POP1: variants seen among roughly 807,000 people sequenced by gnomAD.
The protein encoded by POP1 is POP1 ribonuclease P/MRP subunit.
POP1 carries 75 observed loss-of-function variants against 102.2 expected under a neutral mutation model. The ratio of observed to expected loss-of-function variants is 0.73; its 90% confidence interval spans 0.61 to 0.89. POP1 has a LOEUF of 0.89. Among genes scored for constraint, POP1 ranks in the 40% least tolerant of loss-of-function variants. The pLI is 0.00. For missense variants in POP1, 1,116 were observed against 1,267.4 expected, an observed-to-expected ratio of 0.88 and a Z score of 1.81; for synonymous variants, 436 against 464.1, an observed-to-expected ratio of 0.94 and a Z score of 0.78.
chr8:98,118,583 G>T lies in POP1; in HGVS notation c.-3+1193G>T, dbSNP rs565703087. 1.1e-3 allele frequency among the ~76,000 whole-genome samples: 163 copies of T among 152,072 alleles called. 1 individual carries two copies. The highest frequency in any genetic ancestry group is 3.7e-3 in the African/African-American group (155 of 41,474). Reference sequence around the variant, plus strand: ...TGGGATTACAAGTGCACACCAGCACGCCCGGCTAATTTTTGTATTTTCTGT... The same window carrying T: ...TGGGATTACAAGTGCACACCAGCACTCCCGGCTAATTTTTGTATTTTCTGT... On this transcript the variant is annotated intron_variant, in intron 1 of 15. Coordinates refer to ENST00000401707, the MANE Select transcript of POP1 (RefSeq NM_001145860.2).
intron 5 of POP1, among the ~76,000 whole-genome samples, chr8:98,131,470 G>A (rs1816377941): frequency 6.6e-6 from 1 of 152,142 alleles, no homozygotes; most frequent in South Asian, 2.1e-4. Context: ...TCCATTGTAG[G>A]TATATACCGT....
chr8:98,142,992 C>A (rs1286189770), intron 11 of POP1, among the ~76,000 whole-genome samples: 3 of 152,138 alleles, frequency 2.0e-5, no homozygotes, highest in Non-Finnish European at 4.4e-5. Context: ...AATGAGAAAG[C>A]CTTTTACTGG....
In POP1 at chr8:98,141,023, A is replaced by G. The variant is rs1198271508; in HGVS notation, c.1594+135A>G. On this transcript the variant is annotated intron_variant, in intron 11 of 15. Transcript: ENST00000401707. ...ATTAGGGCAGTCTCCTTACCTGCCC[A>G]CTTTACAAGCTGATTATGATCTAAG... 1.3e-5 allele frequency: 13 copies of G among 1,003,772 alleles called. No individual in the cohort carries two copies. The East Asian group carries it at 2.0e-4, about 15-fold the overall frequency. 62.2% of individuals were successfully genotyped at this position (1,003,772 alleles called of 1,614,324 possible).
At chr8:98,129,206 A>G (rs751216908) in intron 4 of POP1, among the ~76,000 whole-genome samples, 2 of 152,216 alleles carry the variant, frequency 1.3e-5, no homozygotes, top group Non-Finnish European at 2.9e-5. Context: ...GAAGGTTAAA[A>G]AAAAGCAATG....
At position 98,146,564 on chromosome 8, in the gene POP1, T is replaced by A. The variant is rs1563781936; in HGVS notation, c.1595-4T>A. Reference sequence around the variant, plus strand: ...GTTTGAAGGCTATTTCTTTTCCCTCTTAGATAATGAGAAAGTTAGACAGCT... The same window carrying A: ...GTTTGAAGGCTATTTCTTTTCCCTCATAGATAATGAGAAAGTTAGACAGCT... On this transcript the variant is annotated splice_region_variant and splice_polypyrimidine_tract_variant and intron_variant, in intron 11 of 15. Coordinates refer to ENST00000401707, the MANE Select transcript of POP1 (RefSeq NM_001145860.2). 1 of 1,608,558 alleles carries A rather than the reference T, an allele frequency of 6.2e-7. No individual in the cohort carries two copies. The highest frequency in any genetic ancestry group is 8.5e-7 in the Non-Finnish European group (1 of 1,174,952).
chr8:98,149,253 G>A (rs534873170), intron 13 of POP1, among the ~76,000 whole-genome samples: 3 of 152,222 alleles, frequency 2.0e-5, no homozygotes, highest in South Asian at 2.1e-4. Context: ...CCTGATATTC[G>A]AATAGTAGTG....
At chr8:98,136,089 ATT>A in intron 7 of POP1, among the ~76,000 whole-genome samples, 1 of 25,830 alleles carries the variant, frequency 3.9e-5, no homozygotes, top group African/African-American at 1.0e-4. Flanking sequence ...TTTATTTTTT[ATT>A]TTTTTTTGAG....
intron 14 of POP1, among the ~76,000 whole-genome samples, chr8:98,155,095 T>C (rs4305870): frequency 0.016 from 2,508 of 152,242 alleles, 77 homozygotes; most frequent in African/African-American, 0.057. Flanking sequence ...AGAAACTTCA[T>C]GTAGCCTTGA....
In POP1 at chr8:98,134,585, A is replaced by C; in HGVS notation, c.937A>C (p.Lys313Gln). The C allele has an allele frequency of 6.2e-7, 1 of 1,614,160 alleles. No homozygotes were observed. Among genetic ancestry groups the C allele is most frequent in the Non-Finnish European group, 8.5e-7 (1 of 1,179,982 alleles). The change falls in exon 7 of 16, where the codon AAG (lysine) becomes CAG (glutamine). Residue 313 changes from lysine (K) to glutamine (Q), a missense_variant. By Grantham distance (53) the Lys-to-Gln change is moderately conservative. Coordinates refer to ENST00000401707, the MANE Select transcript of POP1 (RefSeq NM_001145860.2). Reference protein sequence around the residue: ...EMLGPVTFIWKSQRTPGDPSE... With the variant: ...EMLGPVTFIWQSQRTPGDPSE... ...GCTTGGGCCTGTTACGTTTATCTGG[A>C]AGTCCCAGAGGACCCCGGGTGACCC...
intron 14 of POP1, among the ~76,000 whole-genome samples, chr8:98,153,014 G>T (rs1300851184): frequency 2.6e-5 from 4 of 152,142 alleles, no homozygotes; most frequent in African/African-American, 9.7e-5. Flanking sequence ...CTGTCACCCA[G>T]GCTGGAGTGC....
chr8:98,120,124 G>T (rs1815968983), intron 1 of POP1, among the ~76,000 whole-genome samples: 1 of 152,176 alleles, frequency 6.6e-6, no homozygotes, highest in Non-Finnish European at 1.5e-5. Flanking sequence ...GATTCAAGCA[G>T]GTAACAGTAG....
At position 98,158,002 on chromosome 8, in the gene POP1, C is replaced by T. The variant is rs746896171; in HGVS notation, c.2806C>T (p.Pro936Ser). ...ASSDGPAGEE[P>S]VAGQEALTLG... The stretch of plus-strand genomic sequence containing the variant: ...TTCTGATGGCCCGGCGGGGGAAGAG[C>T]CCGTGGCTGGGCAGGAAGCTCTGAC... The change falls in exon 16 of 16, where the codon CCC becomes TCC. Residue 936 changes from proline to serine, a missense_variant. Physicochemically the swap from Pro to Ser is moderately conservative, Grantham distance 74. Transcript: ENST00000401707. 5.0e-6 allele frequency: 8 copies of T among 1,612,476 alleles called. No homozygotes were observed. Among genetic ancestry groups the T allele is most frequent in the African/African-American group, 1.3e-5 (1 of 74,930 alleles).
chr8:98,120,646 A>ATT (rs112406747), intron 1 of POP1, among the ~76,000 whole-genome samples: 3 of 80,426 alleles, frequency 3.7e-5, no homozygotes, highest in Non-Finnish European at 5.6e-5. Context: ...TCATTTTTGT[A>ATT]TTTTTTTTTT....
intron 7 of POP1, 99 bp downstream of exon 7, chr8:98,134,758 C>T (rs2130599457): frequency 8.0e-7 from 1 of 1,254,188 alleles, no homozygotes; most frequent in Non-Finnish European, 1.2e-6. Context: ...AAAGGTTTGT[C>T]TGATAGTCTG....
At chr8:98,149,431 G>A (rs552694951) in intron 13 of POP1, among the ~76,000 whole-genome samples, 2 of 151,978 alleles carry the variant, frequency 1.3e-5, no homozygotes, top group Middle Eastern at 3.4e-3. Flanking sequence ...TATTAGAATC[G>A]AATGTGTCTT....
chr8:98,127,483 G>T, intron 2 of POP1, 112 bp from the exon 3 acceptor site: 2 of 1,305,108 alleles, frequency 1.5e-6, no homozygotes, highest in East Asian at 2.4e-5. Context: ...ACCTTACAGG[G>T]TGACTATAGG....
intron 1 of POP1, among the ~76,000 whole-genome samples, chr8:98,118,914 C>G (rs1815931763): frequency 6.6e-6 from 1 of 151,394 alleles, no homozygotes; most frequent in Non-Finnish European, 1.5e-5. Context: ...TCAGCACAAT[C>G]ACAAGCTTAG....
chr8:98,127,869 C>T (rs1388945274), intron 3 of POP1, 107 bp downstream of exon 3: 2 of 1,183,438 alleles, frequency 1.7e-6, no homozygotes, highest in East Asian at 2.4e-5. Flanking sequence ...CCCTACCTCT[C>T]CTCTCCTCCT....
chr8:98,121,717 C>G (rs953119541), intron 1 of POP1, among the ~76,000 whole-genome samples: 25 of 149,408 alleles, frequency 1.7e-4, no homozygotes, highest in African/African-American at 2.5e-4. Context: ...GAGTCTTGCT[C>G]TGTTGCCCAG....
Sources: allele counts gnomAD v4.1 joint callset (sites outside exome capture counted in the v4.1 genomes callset), GRCh38; gene constraint gnomAD v4.1.1; transcripts MANE v1.5; gene names NCBI Gene and HGNC (gene_info 2026-07-23, HGNC 2026-07-21).